Variants in TRPM3 observed in about 807,000 individuals in gnomAD.
TRPM3 encodes transient receptor potential cation channel subfamily M member 3.
TRPM3 carries 77 observed loss-of-function variants against 181.2 expected under a neutral mutation model. That is an observed-to-expected ratio of 0.42 (90% CI 0.35 to 0.51). The LOEUF (loss-of-function observed/expected upper bound fraction) is 0.51. TRPM3 is among the 20% of genes least tolerant of loss of function. The pLI is 0.01. For missense variants in TRPM3, 1,759 were observed against 2,196.7 expected (o/e 0.80, Z 3.98); for synonymous variants, 745 against 796.4 (o/e 0.94, Z 1.09).
chr9:71,409,468 T>C (rs1202416803), intron 1 of TRPM3, among the ~76,000 whole-genome samples: 1 of 152,114 alleles, frequency 6.6e-6, no homozygotes, highest in African/African-American at 2.4e-5. Flanking sequence ...TCCTAGTCTC[T>C]GATAAAACAG....
At chr9:71,322,927 G>A (rs1273451375) in intron 1 of TRPM3, among the ~76,000 whole-genome samples, 5 of 152,038 alleles carry the variant, frequency 3.3e-5, no homozygotes, top group Admixed American at 6.6e-5. Flanking sequence ...TAATAGTTCA[G>A]CTATTAAGTG....
intron 1 of TRPM3, among the ~76,000 whole-genome samples, chr9:71,401,832 C>G (rs761303244): frequency 6.6e-6 from 1 of 152,192 alleles, no homozygotes; most frequent in African/African-American, 2.4e-5. Flanking sequence ...TAAAGCTATG[C>G]TCAGATTTGA....
At chr9:70,843,320 A>G (rs1466197983) in intron 4 of TRPM3, among the ~76,000 whole-genome samples, 193 bp from the exon 5 acceptor site, 1 of 152,266 alleles carries the variant, frequency 6.6e-6, no homozygotes, top group Non-Finnish European at 1.5e-5. Flanking sequence ...TGCATTGGCC[A>G]GATTTGTATA....
chr9:71,049,506 T>C lies in TRPM3; in HGVS notation c.177+71672A>G, dbSNP rs900562209. ...AGTTTTAGATCTGAAAGCAACATTT[T>C]ATAATTGTACTTAAACCAAATTAAC... On this transcript the variant is annotated intron_variant, in intron 1 of 25. Transcript: ENST00000677713. Among the ~76,000 whole-genome samples the C allele has an allele frequency of 8.5e-5, 13 of 152,320 alleles. 1 individual carries two copies. Among genetic ancestry groups the C allele is most frequent in the African/African-American group, 3.1e-4 (13 of 41,576 alleles).
At chr9:71,301,474 A>T (rs1461040823) in intron 1 of TRPM3, among the ~76,000 whole-genome samples, 1 of 152,188 alleles carries the variant, frequency 6.6e-6, no homozygotes, top group African/African-American at 2.4e-5. Flanking sequence ...TCAGTTTCAA[A>T]GCCACATACT....
chr9:70,822,517 G>C (rs996141475), intron 6 of TRPM3, among the ~76,000 whole-genome samples: 1 of 152,018 alleles, frequency 6.6e-6, no homozygotes, highest in African/African-American at 2.4e-5. Context: ...ATAGAAAGTA[G>C]AAGAGTGGCC....
At chr9:70,793,883 T>C (rs2086303237) in intron 6 of TRPM3, among the ~76,000 whole-genome samples, 2 of 152,138 alleles carry the variant, frequency 1.3e-5, no homozygotes. Context: ...TATAATAGAC[T>C]TTGTGTTAGA....
At chr9:71,206,201 C>A (rs994911485) in intron 1 of TRPM3, among the ~76,000 whole-genome samples, 2 of 152,136 alleles carry the variant, frequency 1.3e-5, no homozygotes, top group African/African-American at 4.8e-5. Context: ...AACTAATTTA[C>A]ACTCCCACCA....
chr9:70,878,024 G>C (rs577702957), intron 1 of TRPM3, among the ~76,000 whole-genome samples: 3 of 151,850 alleles, frequency 2.0e-5, no homozygotes, highest in Non-Finnish European at 4.4e-5. Flanking sequence ...ACACTGATGT[G>C]CACATTAACA....
chr9:71,239,062 C>G (rs2081521113), intron 1 of TRPM3, among the ~76,000 whole-genome samples: 1 of 151,954 alleles, frequency 6.6e-6, no homozygotes, highest in Non-Finnish European at 1.5e-5. Flanking sequence ...ACCTCCTTCC[C>G]TTGAAGAAGG....
chr9:71,026,512 G>A (rs1402426454), intron 1 of TRPM3, among the ~76,000 whole-genome samples: 1 of 152,122 alleles, frequency 6.6e-6, no homozygotes, highest in Non-Finnish European at 1.5e-5. Flanking sequence ...TTTCCTGGCA[G>A]CCATGTTTGC....
intron 1 of TRPM3, among the ~76,000 whole-genome samples, chr9:71,116,694 A>C (rs936634219): frequency 2.6e-5 from 4 of 152,158 alleles, no homozygotes; most frequent in Admixed American, 1.3e-4. Flanking sequence ...TATCACAAAG[A>C]GAAAGGATAA....
chr9:71,070,830 G>A (rs1261245533), intron 1 of TRPM3, among the ~76,000 whole-genome samples: 3 of 152,008 alleles, frequency 2.0e-5, no homozygotes, highest in African/African-American at 7.2e-5. Context: ...TCCTAGAGTG[G>A]GGCTGGAGCT....
intron 1 of TRPM3, among the ~76,000 whole-genome samples, chr9:71,101,898 C>T (rs1181274031): frequency 6.6e-6 from 1 of 152,112 alleles, no homozygotes; most frequent in Non-Finnish European, 1.5e-5. Flanking sequence ...TGGTAAAGGC[C>T]ATGAAGTCCA....
intron 1 of TRPM3, among the ~76,000 whole-genome samples, chr9:71,413,272 A>T (rs940463542): frequency 6.6e-6 from 1 of 152,116 alleles, no homozygotes; most frequent in African/African-American, 2.4e-5. Context: ...AAAAATTTAT[A>T]ACTCATATTT....
intron 1 of TRPM3, among the ~76,000 whole-genome samples, chr9:71,134,923 T>G (rs2074671143): frequency 6.6e-6 from 1 of 152,194 alleles, no homozygotes; most frequent in Admixed American, 6.5e-5. Context: ...AAAAATTCAG[T>G]GTGAAAACTC....
chr9:71,132,180 G>C (rs968437356), intron 1 of TRPM3, among the ~76,000 whole-genome samples: 1 of 152,138 alleles, frequency 6.6e-6, no homozygotes, highest in African/African-American at 2.4e-5. Flanking sequence ...GGGTAAGAAA[G>C]ATATTATCAT....
intron 1 of TRPM3, among the ~76,000 whole-genome samples, chr9:70,933,074 T>C (rs1432955521): frequency 6.6e-6 from 1 of 152,176 alleles, no homozygotes; most frequent in African/African-American, 2.4e-5. Context: ...TACATCAAGA[T>C]AAAAGATGAA....
chr9:70,555,167 G>A (rs1266953471), intron 22 of TRPM3, among the ~76,000 whole-genome samples: 2 of 152,196 alleles, frequency 1.3e-5, no homozygotes, highest in Non-Finnish European at 2.9e-5. Context: ...GCTTCTAAAA[G>A]ACCCCTCTGC....
Sources: allele counts gnomAD v4.1 joint callset (sites outside exome capture counted in the v4.1 genomes callset), GRCh38; gene constraint gnomAD v4.1.1; transcripts MANE v1.5; gene names NCBI Gene and HGNC (gene_info 2026-07-23, HGNC 2026-07-21).